Variants in MAEL observed in about 807,000 individuals in gnomAD.
MAEL encodes the protein maelstrom spermatogenic transposon silencer.
A neutral mutation model predicts 62.0 loss-of-function variants in MAEL; 46 were observed. That is an observed-to-expected ratio of 0.74 (90% CI 0.59 to 0.95). The LOEUF (loss-of-function observed/expected upper bound fraction) is 0.95, where lower values mean the gene tolerates loss of function less well. Among genes scored for constraint, MAEL ranks in the 40% least tolerant of loss-of-function variants. The pLI, the probability that MAEL is intolerant of heterozygous loss-of-function variation, is 0.00. For missense variants in MAEL, 497 were observed against 526.8 expected, an observed-to-expected ratio of 0.94 and a Z score of 0.55; for synonymous variants, 172 against 175.5, an observed-to-expected ratio of 0.98 and a Z score of 0.16.
At chr1:166,989,078 A>C, upstream of MAEL, 1 of 438,722 alleles carries the variant, frequency 2.3e-6, no homozygotes, top group East Asian at 4.0e-5. Context: ...CCACGTGACA[A>C]TGCCTCCGCC....
At chr1:167,018,105 C>T (rs1052413659) in intron 10 of MAEL, 146 bp downstream of exon 10, 5 of 651,928 alleles carry the variant, frequency 7.7e-6, no homozygotes, top group African/African-American at 5.5e-5. Flanking sequence ...GAATGTCAAA[C>T]AGTTCCTAAT....
At chr1:166,997,290 C>T (rs549978059) in intron 5 of MAEL, among the ~76,000 whole-genome samples, 3 of 152,320 alleles carry the variant, frequency 2.0e-5, no homozygotes, top group South Asian at 4.1e-4. Context: ...CATCCTGGGC[C>T]GCATGAGGCC....
intron 5 of MAEL, among the ~76,000 whole-genome samples, chr1:166,997,162 C>T (rs917963948): frequency 6.6e-6 from 1 of 152,180 alleles, no homozygotes; most frequent in Non-Finnish European, 1.5e-5. Flanking sequence ...TGCCTTGGGC[C>T]ACACATAAAA....
chr1:167,001,573 A>G (rs1664669793), intron 5 of MAEL, among the ~76,000 whole-genome samples: 1 of 152,228 alleles, frequency 6.6e-6, no homozygotes, highest in African/African-American at 2.4e-5. Context: ...TCATAACTTT[A>G]GAGTACATAA....
rs1292414232 is a variant in MAEL at position 167,005,093 on chromosome 1, A to T, written c.666A>T (p.Arg222Ser). The T allele has an allele frequency of 6.2e-7, 1 of 1,613,542 alleles. No individual in the cohort carries two copies. The highest frequency in any genetic ancestry group is 8.5e-7 in the Non-Finnish European group (1 of 1,179,754). Reference protein sequence around the residue: ...PIYCKSDDRTRVNWCLKHMAK... With the variant: ...PIYCKSDDRTSVNWCLKHMAK... The stretch of plus-strand genomic sequence containing the variant: ...TTCTCCAGTCTGATGATAGAACCAG[A>T]GTCAACTGGTGTTTGAAGCATATGG... The change falls in exon 7 of 12, where the codon AGA becomes AGT. Residue 222 changes from arginine (R) to serine (S), a missense_variant. By Grantham distance (110) the Arg-to-Ser change is moderately radical. Transcript: ENST00000367872.
rs1233065034 is a variant in MAEL at position 167,017,835 on chromosome 1, T to C, written c.917T>C (p.Ile306Thr). ...TTTTATTTCTTTTAAAGGTACTGCATCAGTAATTCTCTGGCCACTCTCTTT... is the reference window on the plus strand; with the variant it reads ...TTTTATTTCTTTTAAAGGTACTGCACCAGTAATTCTCTGGCCACTCTCTTT... The part of the protein sequence containing the change: ...LAVCKKIAYC[I>T]SNSLATLFGI... Residue 306 changes from isoleucine to threonine, a missense_variant, in exon 10 of 12, where the codon ATC becomes ACC. Physicochemically the swap from Ile to Thr is moderately conservative, Grantham distance 89 (BLOSUM62 -1). Coordinates refer to ENST00000367872, the MANE Select transcript of MAEL (RefSeq NM_032858.3). 6.2e-7 allele frequency: 1 copy of C among 1,610,868 alleles called. No homozygotes were observed. The highest frequency in any genetic ancestry group is 1.7e-5 in the Admixed American group (1 of 59,720).
At chr1:166,991,213 A>T (rs949648086) in intron 2 of MAEL, among the ~76,000 whole-genome samples, 165 bp from the exon 3 acceptor site, 1 of 152,144 alleles carries the variant, frequency 6.6e-6, no homozygotes, top group African/African-American at 2.4e-5. Context: ...ATAATTTGTT[A>T]TTCTGCCTTT....
At chr1:167,019,152 T>G (rs1665515367) in intron 10 of MAEL, among the ~76,000 whole-genome samples, 1 of 152,110 alleles carries the variant, frequency 6.6e-6, no homozygotes, top group African/African-American at 2.4e-5. Flanking sequence ...ACATTTTTGG[T>G]TGTCACATCT....
At chr1:167,008,798 G>T (rs6693185) in intron 8 of MAEL, among the ~76,000 whole-genome samples, 1 of 151,872 alleles carries the variant, frequency 6.6e-6, no homozygotes, top group Non-Finnish European at 1.5e-5. Flanking sequence ...TTAACTCTCA[G>T]CCACCATCTC....
rs1296702154 is a variant in MAEL at position 166,989,484 on chromosome 1, G to A, written c.132G>A (p.Ala44=). 2 of 1,582,636 alleles carry A rather than the reference G, an allele frequency of 1.3e-6. No individual in the cohort carries two copies. The highest frequency in any genetic ancestry group is 2.3e-5 in the East Asian group (1 of 43,626). Residue 44 remains alanine, a splice_region_variant and synonymous_variant, in exon 1 of 12, where the codon GCG becomes GCA. Coordinates refer to ENST00000367872, the MANE Select transcript of MAEL (RefSeq NM_032858.3). ...DAIPYCSSDW[A]LLREEEKEKY... ...TCCCTTACTGCTCCTCAGACTGGGC[G>A]GTAAGGCTGGAGCGGAGTGAGAGGG...
intron 8 of MAEL, among the ~76,000 whole-genome samples, chr1:167,010,535 T>G (rs1002014974): frequency 1.3e-5 from 2 of 152,146 alleles, no homozygotes; most frequent in Non-Finnish European, 2.9e-5. Context: ...AGCCTGGAAC[T>G]CCTAGAGTCA....
In MAEL at chr1:167,014,159, T is replaced by G. The variant is rs576136708; in HGVS notation, c.846-2063T>G. On this transcript the variant is annotated intron_variant, in intron 8 of 11. Coordinates refer to ENST00000367872, the MANE Select transcript of MAEL (RefSeq NM_032858.3). The stretch of plus-strand genomic sequence containing the variant: ...GTCTTCTATGGAGGCCTCTTCCTGC[T>G]TTTTTCCTTTATTGTGGACATGTAC... Among the ~76,000 whole-genome samples the G allele has an allele frequency of 5.3e-5, 8 of 152,334 alleles. 1 individual carries two copies. In the South Asian group the frequency reaches 1.5e-3, roughly 28 times the overall value.
intron 5 of MAEL, among the ~76,000 whole-genome samples, chr1:167,002,682 A>G (rs1557979440): frequency 6.6e-6 from 1 of 152,216 alleles, no homozygotes; most frequent in East Asian, 1.9e-4. Flanking sequence ...TTTACTAGAA[A>G]AGGGGGAAGG....
chr1:166,992,938 A>C, intron 4 of MAEL, 97 bp downstream of exon 4: 1 of 1,012,842 alleles, frequency 9.9e-7, no homozygotes, highest in South Asian at 2.0e-5. Flanking sequence ...TTACAAGCTC[A>C]TGTACAGCTG....
rs376351090 is a variant in MAEL, at chr1:166,989,332, A to G, written c.-21A>G. ...CCGGTGCTTTGTTCTGTCTGAGGCC[A>G]GGAAGTTTGACCGCGCTGCCATGCC... On this transcript the variant is annotated 5_prime_UTR_variant, in exon 1 of 12. Coordinates refer to ENST00000367872, the MANE Select transcript of MAEL (RefSeq NM_032858.3). The G allele has an allele frequency of 7.4e-5, 118 of 1,605,078 alleles. No homozygotes were observed. The highest frequency in any genetic ancestry group is 3.3e-4 in the Middle Eastern group (2 of 6,038).
At chr1:166,984,991 T>C (rs773712123), upstream of MAEL, among the ~76,000 whole-genome samples, 1 of 152,198 alleles carries the variant, frequency 6.6e-6, no homozygotes, top group Non-Finnish European at 1.5e-5. Flanking sequence ...AGGAAATGAA[T>C]GTATCCAGTA....
intron 8 of MAEL, among the ~76,000 whole-genome samples, chr1:167,010,993 C>G (rs1475226458): frequency 3.3e-5 from 5 of 151,876 alleles, no homozygotes; most frequent in African/African-American, 4.8e-5. Context: ...TCTTAAATTT[C>G]CCCCTTTGCT....
rs746710942 is a variant in MAEL, at chr1:166,989,768, C to G, written c.164C>G (p.Ala55Gly). ...AGGGAGGAAGAAAAGGAGAAATACG[C>G]AGAAATGGCTCGAGAATGGAGGGCC... Reference protein sequence around the residue: ...LLREEEKEKYAEMAREWRAAQ... With the variant: ...LLREEEKEKYGEMAREWRAAQ... Residue 55 changes from alanine to glycine, a missense_variant, in exon 2 of 12, where the codon GCA (alanine) becomes GGA (glycine). Ala to Gly is a moderately conservative substitution (Grantham distance 60, BLOSUM62 0). Coordinates refer to ENST00000367872, the MANE Select transcript of MAEL (RefSeq NM_032858.3). 4.3e-6 allele frequency: 7 copies of G among 1,613,856 alleles called. No individual in the cohort carries two copies. The highest frequency in any genetic ancestry group is 1.7e-6 in the Non-Finnish European group (2 of 1,179,988).
In MAEL at chr1:166,989,724, C is replaced by A. The variant is rs764321438; in HGVS notation, c.133-13C>A. On this transcript the variant is annotated splice_polypyrimidine_tract_variant and intron_variant, in intron 1 of 11. Coordinates refer to ENST00000367872, the MANE Select transcript of MAEL (RefSeq NM_032858.3). ...CGGCTGTTTCTCTTCTTTGCTCCTT[C>A]AATCCCCAAAAGCTTCTGAGGGAGG... is the stretch of plus-strand genomic sequence containing the variant. 5 of 1,611,566 alleles carry A rather than the reference C, an allele frequency of 3.1e-6. No individual in the cohort carries two copies. In the East Asian group the frequency reaches 1.1e-4, roughly 36 times the overall value.
Sources: gnomAD v4.1 joint callset for allele counts (sites outside exome capture counted in the v4.1 genomes callset) on GRCh38, gnomAD v4.1.1 for gene constraint, MANE v1.5 for transcripts, NCBI Gene and HGNC (gene_info 2026-07-23, HGNC 2026-07-21) for gene names.